ZNF329: variants seen among roughly 807,000 people sequenced by gnomAD.
ZNF329 encodes the protein zinc finger protein 329.
ZNF329 carries 15 observed loss-of-function variants against 26.6 expected under a neutral mutation model. The ratio of observed to expected loss-of-function variants is 0.56; its 90% CI spans 0.38 to 0.87. The LOEUF is 0.87. ZNF329 is among the 40% of genes least tolerant of loss of function. The probability of loss-of-function intolerance (pLI) is 0.00; values close to 1 mark genes in which losing one functional copy is unlikely to be tolerated. For synonymous variants in ZNF329, 239 were observed against 233.5 expected (o/e 1.02, Z -0.21); for missense variants, 651 against 651.9 (o/e 1.00, Z 0.02).
chr19:58,133,095 A>T (rs1326850308), intron 3 of ZNF329, among the ~76,000 whole-genome samples: 3 of 152,190 alleles, frequency 2.0e-5, no homozygotes, highest in Non-Finnish European at 4.4e-5. Flanking sequence ...TACAGGCGTG[A>T]GCCACCGCGC....
intron 3 of ZNF329, among the ~76,000 whole-genome samples, chr19:58,140,048 C>T (rs1350021754): frequency 6.6e-6 from 1 of 152,132 alleles, no homozygotes; most frequent in Non-Finnish European, 1.5e-5. Context: ...TATGGTTTGT[C>T]CACACCAAAT....
At chr19:58,131,175 G>A (rs924802587) in intron 3 of ZNF329, among the ~76,000 whole-genome samples, 1 of 151,640 alleles carries the variant, frequency 6.6e-6, no homozygotes, top group East Asian at 1.9e-4. Context: ...GATACAGGCT[G>A]CAACATAAAG....
At position 58,128,473 on chromosome 19, in the gene ZNF329, T is replaced by G; in HGVS notation, c.1031A>C (p.Glu344Ala). Residue 344 changes from glutamate (E) to alanine (A), a missense_variant, in exon 4 of 4, where the codon GAG becomes GCG. By Grantham distance (107) the Glu-to-Ala change is moderately radical. Coordinates refer to ENST00000598312, the MANE Select transcript of ZNF329 (RefSeq NM_024620.4). ...GAAAGCCTTTCCACATTTGCTACAC[T>G]CATAGGGCTTCTCACCGGTGTGGAT... is the stretch of plus-strand genomic sequence containing the variant. ...LRIHTGEKPY[E>A]CSKCGKAFRD... 7 of 1,613,632 alleles carry G rather than the reference T, an allele frequency of 4.3e-6. No individual in the cohort carries two copies. Among genetic ancestry groups the G allele is most frequent in the Non-Finnish European group, 5.9e-6 (7 of 1,179,740 alleles).
intron 1 of ZNF329, among the ~76,000 whole-genome samples, chr19:58,145,604 G>A (rs1167537939): frequency 1.3e-5 from 2 of 152,120 alleles, no homozygotes; most frequent in South Asian, 2.1e-4. Flanking sequence ...TTATAGGCGC[G>A]AGCCACTGCG....
chr19:58,142,421 C>T (rs1483114467), intron 3 of ZNF329, 136 bp downstream of exon 3: 2 of 152,594 alleles, frequency 1.3e-5, no homozygotes, highest in Admixed American at 6.5e-5. Flanking sequence ...AAGTATGTGT[C>T]GAGTCTGTAA....
At chr19:58,143,840 G>A (rs911889204) in intron 1 of ZNF329, among the ~76,000 whole-genome samples, 2 of 152,062 alleles carry the variant, frequency 1.3e-5, no homozygotes, top group African/African-American at 4.8e-5. Flanking sequence ...CAGGACTTTG[G>A]GAGGCCGAGG....
At chr19:58,151,048 TG>T (rs2075444342), upstream of ZNF329, among the ~76,000 whole-genome samples, 1 of 152,260 alleles carries the variant, frequency 6.6e-6, no homozygotes, top group African/African-American at 2.4e-5. Context: ...AATCTTTTTT[TG>T]AGATAATAAT....
chr19:58,149,281 T>C (rs1425020324), intron 1 of ZNF329, among the ~76,000 whole-genome samples: 1 of 152,194 alleles, frequency 6.6e-6, no homozygotes, highest in Non-Finnish European at 1.5e-5. Flanking sequence ...CAGCAGTTCT[T>C]GGGGCTGCTC....
intron 3 of ZNF329, among the ~76,000 whole-genome samples, chr19:58,142,196 A>G (rs1282949735): frequency 6.6e-6 from 1 of 152,212 alleles, no homozygotes; most frequent in Non-Finnish European, 1.5e-5. Flanking sequence ...ATAAGACAGA[A>G]AGTAGATTAG....
intron 3 of ZNF329, among the ~76,000 whole-genome samples, chr19:58,138,539 T>A (rs1214232570): frequency 6.6e-6 from 1 of 152,154 alleles, no homozygotes; most frequent in Non-Finnish European, 1.5e-5. Context: ...ACCCCTCCCG[T>A]GGAAAGGGCT....
intron 1 of ZNF329, among the ~76,000 whole-genome samples, chr19:58,147,901 C>T (rs1186301462): frequency 2.0e-5 from 3 of 151,904 alleles, no homozygotes; most frequent in African/African-American, 7.3e-5. Context: ...GTGTACCCAA[C>T]AGCTCAATGA....
At chr19:58,134,923 A>C (rs1362156892) in intron 3 of ZNF329, among the ~76,000 whole-genome samples, 5 of 152,134 alleles carry the variant, frequency 3.3e-5, no homozygotes, top group African/African-American at 4.8e-5. Flanking sequence ...GCAACAGAGC[A>C]AAACTCCATC....
At chr19:58,130,957 C>T (rs1237554139) in intron 3 of ZNF329, among the ~76,000 whole-genome samples, 1 of 152,096 alleles carries the variant, frequency 6.6e-6, no homozygotes, top group African/African-American at 2.4e-5. Flanking sequence ...ATTATCCCAC[C>T]TCAGCCTCCC....
intron 3 of ZNF329, among the ~76,000 whole-genome samples, chr19:58,133,163 C>A (rs1009571888): frequency 2.0e-5 from 3 of 152,042 alleles, no homozygotes; most frequent in Non-Finnish European, 4.4e-5. Flanking sequence ...CAGTGAATGA[C>A]GAAAATTATT....
chr19:58,140,401 T>C (rs2075157130), intron 3 of ZNF329, among the ~76,000 whole-genome samples: 2 of 146,158 alleles, frequency 1.4e-5, no homozygotes, highest in South Asian at 4.4e-4. Context: ...AAGCTACAAC[T>C]ATAAAACTCT....
At chr19:58,141,709 C>T (rs1268014271) in intron 3 of ZNF329, among the ~76,000 whole-genome samples, 4 of 152,066 alleles carry the variant, frequency 2.6e-5, no homozygotes, top group African/African-American at 7.2e-5. Context: ...CTGGGTAACA[C>T]GGTGAAACCC....
chr19:58,128,581 G>A lies in ZNF329; in HGVS notation c.923C>T (p.Thr308Ile), dbSNP rs548221461. The A allele has an allele frequency of 1.7e-5, 28 of 1,613,286 alleles. 1 individual carries two copies. The highest frequency in any genetic ancestry group is 1.7e-4 in the Middle Eastern group (1 of 6,056). The change falls in exon 4 of 4, where the codon ACT (threonine) becomes ATT (isoleucine). Residue 308 changes from threonine (T) to isoleucine (I), a missense_variant. Transcript: ENST00000598312. ...TCTATATGGTTTTTCCCCTGTATGA[G>A]TTCTTTGGTGCAAAATTAAGGATGA... The part of the protein sequence containing the change: ...RNSSLILHQR[T>I]HTGEKPYRCN...
intron 1 of ZNF329, among the ~76,000 whole-genome samples, chr19:58,147,881 C>T (rs140171882): frequency 0.15 from 22,019 of 151,452 alleles, 1,652 homozygotes; most frequent in Admixed American, 0.19. Flanking sequence ...GCCACCACCC[C>T]GTCTGGGAGG....
At position 58,128,613 on chromosome 19, in the gene ZNF329, GTT is replaced by G. The variant is rs773605747; in HGVS notation, c.889_890del (p.Asn297ProfsTer19). ...GGTGCAAAATTAAGGATGAATTTCG[GTT>G]GAAGGTTTTTCCACACTCTAGGCAT... ...YECLECGKTF[N>X]RNSSLILHQR... On this transcript the variant is annotated frameshift_variant, in exon 4 of 4. Transcript: ENST00000598312. LOFTEE classifies it high-confidence loss of function. The G allele has an allele frequency of 2.5e-6, 4 of 1,610,354 alleles. No individual in the cohort carries two copies. Among genetic ancestry groups the G allele is most frequent in the Non-Finnish European group, 3.4e-6 (4 of 1,178,034 alleles).
Sources: gnomAD v4.1 joint callset for allele counts (sites outside exome capture counted in the v4.1 genomes callset) on GRCh38, gnomAD v4.1.1 for gene constraint, MANE v1.5 for transcripts, NCBI Gene and HGNC (gene_info 2026-07-23, HGNC 2026-07-21) for gene names.